The following KCNJ3 variants were observed in gnomAD, a reference collection of about 807,000 sequenced individuals.
KCNJ3 encodes the protein G protein-activated inward rectifier potassium channel 1.
Under a neutral mutation model 39.2 loss-of-function variants are expected in KCNJ3, and 4 were observed. That is an observed-to-expected ratio of 0.10 (90% CI 0.05 to 0.23). The LOEUF (loss-of-function observed/expected upper bound fraction) is 0.23, where lower values mean the gene tolerates loss of function less well. Ranked by LOEUF, KCNJ3 falls within the 10% of genes least tolerant of loss-of-function variation. The probability of loss-of-function intolerance (pLI) is 1.00; values close to 1 mark genes in which losing one functional copy is unlikely to be tolerated. For missense variants in KCNJ3, 276 were observed against 634.9 expected (o/e 0.43, Z 6.08); for synonymous variants, 230 against 237.4 (o/e 0.97, Z 0.29).
intron 2 of KCNJ3, among the ~76,000 whole-genome samples, chr2:154,781,832 A>G (rs1419253877): frequency 6.6e-6 from 1 of 152,192 alleles, no homozygotes; most frequent in Non-Finnish European, 1.5e-5. Context: ...AATTTCTCCA[A>G]CAATGCTTAC....
At chr2:154,727,917 GATAT>G (rs1223382371) in intron 2 of KCNJ3, among the ~76,000 whole-genome samples, 2 of 149,856 alleles carry the variant, frequency 1.3e-5, no homozygotes, top group Admixed American at 1.3e-4. Context: ...TTGCTTATAA[GATAT>G]AATTTATAAT....
intron 2 of KCNJ3, among the ~76,000 whole-genome samples, chr2:154,759,316 A>G (rs190410797): frequency 1.3e-5 from 2 of 151,594 alleles, no homozygotes; most frequent in African/African-American, 2.4e-5. Flanking sequence ...ATGCACCAGA[A>G]GGATTTTTTG....
chr2:154,712,903 C>T (rs1326366478), intron 2 of KCNJ3, among the ~76,000 whole-genome samples: 1 of 152,026 alleles, frequency 6.6e-6, no homozygotes, highest in Non-Finnish European at 1.5e-5. Flanking sequence ...ACCTGACTAT[C>T]CAGAAGGCCC....
At chr2:154,727,926 T>C (rs997059277) in intron 2 of KCNJ3, among the ~76,000 whole-genome samples, 2 of 150,200 alleles carry the variant, frequency 1.3e-5, no homozygotes, top group Non-Finnish European at 3.0e-5. Flanking sequence ...AGATATAATT[T>C]ATAATATATA....
At chr2:154,734,362 A>C (rs1390752140) in intron 2 of KCNJ3, among the ~76,000 whole-genome samples, 1 of 152,228 alleles carries the variant, frequency 6.6e-6, no homozygotes, top group Non-Finnish European at 1.5e-5. Context: ...CCTCACCTTA[A>C]GAAAATCTAG....
intron 2 of KCNJ3, among the ~76,000 whole-genome samples, chr2:154,720,888 G>A (rs1390883382): frequency 2.0e-5 from 3 of 152,084 alleles, no homozygotes; most frequent in Non-Finnish European, 4.4e-5. Context: ...CAATCCTTCT[G>A]TATTTGGCAG....
intron 1 of KCNJ3, among the ~76,000 whole-genome samples, chr2:154,705,228 G>A (rs1441322313): frequency 6.6e-6 from 1 of 152,150 alleles, no homozygotes. Context: ...GGATAAATAT[G>A]TCCTTGACAA....
intron 2 of KCNJ3, among the ~76,000 whole-genome samples, chr2:154,793,709 A>C (rs1188897269): frequency 3.9e-5 from 6 of 152,108 alleles, no homozygotes. Flanking sequence ...ACATACACAC[A>C]TAAACTGGAC....
In KCNJ3 at chr2:154,735,069, C is replaced by CTGTGTGTGTGTGTGTGTGTGTGTGTG. The variant is rs10632638; in HGVS notation, c.919+25258_919+25283dup. 4.1e-3 allele frequency among the ~76,000 whole-genome samples: 595 copies of CTGTGTGTGTGTGTGTGTGTGTGTGTG among 145,868 alleles called. 6 individuals are homozygous for CTGTGTGTGTGTGTGTGTGTGTGTGTG. The highest frequency in any genetic ancestry group is 0.012 in the African/African-American group (471 of 39,020). On this transcript the variant is annotated intron_variant, in intron 2 of 2. Transcript: ENST00000295101. The stretch of plus-strand genomic sequence containing the variant: ...TAGACTTTCCACTCCCCTTGTAGGC[C>CTGTGTGTGTGTGTGTGTGTGTGTGTG]TGTGTGTGTGTGTGTGTGTGTGTGT...
chr2:154,773,509 G>A (rs555571311), intron 2 of KCNJ3, among the ~76,000 whole-genome samples: 1 of 152,166 alleles, frequency 6.6e-6, no homozygotes, highest in African/African-American at 2.4e-5. Flanking sequence ...TTTGTTCTCG[G>A]AATAATTTCT....
rs114815147 is a variant in KCNJ3 at position 154,800,228 on chromosome 2, A to G, written c.920-54499A>G. Among the ~76,000 whole-genome samples, 1,460 of 152,310 alleles carry G rather than the reference A, an allele frequency of 9.6e-3. 32 individuals are homozygous for G. The highest frequency in any genetic ancestry group is 0.033 in the African/African-American group (1,372 of 41,560). ...TGCCTCCAGCTCTAGAAAGCTTACT[A>G]TTAATAACTTTGAATATAGTTTGGG... On this transcript the variant is annotated intron_variant, in intron 2 of 2. Coordinates refer to ENST00000295101, the MANE Select transcript of KCNJ3 (RefSeq NM_002239.4).
At chr2:154,703,479 A>ATGTGTGTGTGTG (rs3138640) in intron 1 of KCNJ3, among the ~76,000 whole-genome samples, 28 of 148,288 alleles carry the variant, frequency 1.9e-4, no homozygotes, top group South Asian at 6.4e-4. Flanking sequence ...CTCCATATAT[A>ATGTGTGTGTGTG]TGTGTGTGTG....
intron 2 of KCNJ3, among the ~76,000 whole-genome samples, chr2:154,769,877 G>A (rs886101978): frequency 1.3e-5 from 2 of 151,982 alleles, no homozygotes; most frequent in Non-Finnish European, 2.9e-5. Context: ...ATGGGTGGAA[G>A]GAAAGCTTTA....
chr2:154,832,166 C>T (rs2105120399), intron 2 of KCNJ3, among the ~76,000 whole-genome samples: 1 of 152,152 alleles, frequency 6.6e-6, no homozygotes, highest in Non-Finnish European at 1.5e-5. Flanking sequence ...ACACCTCCCA[C>T]CGGGCCCCAT....
chr2:154,760,361 G>C (rs1049991939), intron 2 of KCNJ3, among the ~76,000 whole-genome samples: 1 of 152,068 alleles, frequency 6.6e-6, no homozygotes, highest in African/African-American at 2.4e-5. Flanking sequence ...TGTGTGTTAT[G>C]ACTGTTTTCT....
At chr2:154,737,289 G>A (rs1180094991) in intron 2 of KCNJ3, among the ~76,000 whole-genome samples, 1 of 152,134 alleles carries the variant, frequency 6.6e-6, no homozygotes, top group Non-Finnish European at 1.5e-5. Flanking sequence ...TTCTAGATCT[G>A]CTTAAAAAGG....
intron 2 of KCNJ3, among the ~76,000 whole-genome samples, chr2:154,804,100 G>A (rs1574468601): frequency 6.6e-6 from 1 of 151,942 alleles, no homozygotes; most frequent in Admixed American, 6.6e-5. Flanking sequence ...CTATTATAAA[G>A]ACATAGCTAA....
intron 2 of KCNJ3, among the ~76,000 whole-genome samples, chr2:154,742,906 A>G (rs1346943929): frequency 6.6e-6 from 1 of 151,784 alleles, no homozygotes; most frequent in Admixed American, 6.6e-5. Flanking sequence ...TATTTTAGTT[A>G]TCTTTACCTT....
At chr2:154,801,592 C>CCTTT (rs372772412) in intron 2 of KCNJ3, among the ~76,000 whole-genome samples, 19 of 129,080 alleles carry the variant, frequency 1.5e-4, no homozygotes, top group African/African-American at 4.6e-4. Flanking sequence ...TCTTTCTTTC[C>CCTTT]CTTTCTTTCT....
Sources: allele counts gnomAD v4.1 joint callset (sites outside exome capture counted in the v4.1 genomes callset), GRCh38; gene constraint gnomAD v4.1.1; transcripts MANE v1.5; gene names NCBI Gene and HGNC (gene_info 2026-07-23, HGNC 2026-07-21).